Variants in DCTN5 observed in about 807,000 individuals in gnomAD.
DCTN5 encodes the protein dynactin 4.
Under a neutral mutation model 23.5 loss-of-function variants are expected in DCTN5, and 14 were observed. The ratio of observed to expected loss-of-function variants is 0.60; its 90% CI spans 0.39 to 0.93. The LOEUF is 0.93. Among genes scored for constraint, DCTN5 ranks in the 40% least tolerant of loss-of-function variants. The pLI, the probability that DCTN5 is intolerant of heterozygous loss-of-function variation, is 0.00. For missense variants in DCTN5, 156 were observed against 225.9 expected (o/e 0.69, Z 1.98); for synonymous variants, 67 against 79.6 (o/e 0.84, Z 0.84).
chr16:23,646,341 A>G (rs1006989657), intron 2 of DCTN5, among the ~76,000 whole-genome samples: 1 of 152,130 alleles, frequency 6.6e-6, no homozygotes, highest in Non-Finnish European at 1.5e-5. Context: ...AACACTTATC[A>G]GATATATGAT....
In DCTN5 at chr16:23,674,922, C is replaced by G. The variant is rs1038526157; in HGVS notation, c.*7778C>G. ...CCTTCTTACTGTGTCCTTGTATGGT[C>G]CCTCTGTCTGGGTGTCTGTGTCCTA... is the stretch of plus-strand genomic sequence containing the variant. On this transcript the variant is annotated 3_prime_UTR_variant, in exon 6 of 6. Transcript: ENST00000300087. The G allele has an allele frequency of 6.6e-6, 1 of 152,086 alleles. No homozygotes were observed. The highest frequency in any genetic ancestry group is 2.4e-5 in the African/African-American group (1 of 41,414). The allele number at this position is 152,086 out of a possible 1,614,324, so 9.4% of individuals were successfully genotyped here. A position where few individuals can be genotyped will look rare whatever the true frequency, so the allele number is the denominator to read the frequency against.
At chr16:23,647,589 C>A (rs1232384225) in intron 2 of DCTN5, among the ~76,000 whole-genome samples, 2 of 151,688 alleles carry the variant, frequency 1.3e-5, no homozygotes, top group East Asian at 3.9e-4. Context: ...CTCACTGCAG[C>A]CTCCACTTCC....
chr16:23,647,787 C>T (rs1265810200), intron 2 of DCTN5, among the ~76,000 whole-genome samples: 1 of 151,982 alleles, frequency 6.6e-6, no homozygotes, highest in East Asian at 1.9e-4. Context: ...GGATTACAGG[C>T]ATGAGCCACC....
intron 2 of DCTN5, among the ~76,000 whole-genome samples, chr16:23,643,291 AACC>A (rs1443410229): frequency 9.9e-5 from 15 of 151,612 alleles, no homozygotes; most frequent in East Asian, 5.9e-4. Context: ...TCCCAGGTTC[AACC>A]AGTTCTCCTG....
intron 4 of DCTN5, among the ~76,000 whole-genome samples, chr16:23,663,459 A>C (rs1048552898): frequency 6.6e-6 from 1 of 152,192 alleles, no homozygotes; most frequent in African/African-American, 2.4e-5. Context: ...CATGCCTGTA[A>C]TCCCAGCACT....
At chr16:23,648,823 G>A (rs185256385) in intron 2 of DCTN5, among the ~76,000 whole-genome samples, 2 of 151,996 alleles carry the variant, frequency 1.3e-5, no homozygotes, top group Admixed American at 1.3e-4. Flanking sequence ...ACCTCATTGT[G>A]GTCTTAATTT....
rs143714353 is a variant in DCTN5 at position 23,657,502 on chromosome 16, G to A, written c.118-1005G>A. 1,901 of 431,400 alleles carry A rather than the reference G, an allele frequency of 4.4e-3. 36 individuals carry two copies. The highest frequency in any genetic ancestry group is 0.037 in the African/African-American group (1,747 of 47,838). The allele number at this position is 431,400 out of a possible 1,614,324, so 26.7% of individuals were successfully genotyped here. On this transcript the variant is annotated intron_variant, in intron 2 of 5. Coordinates refer to ENST00000300087, the MANE Select transcript of DCTN5 (RefSeq NM_032486.4). Reference sequence around the variant, plus strand: ...TTCGTCCAGGCTGGAGTGCAATGGCGCGATCTCGGCTCACTGCAACCTCCG... The same window carrying A: ...TTCGTCCAGGCTGGAGTGCAATGGCACGATCTCGGCTCACTGCAACCTCCG...
chr16:23,643,174 G>T (rs780913865), intron 2 of DCTN5, 151 bp downstream of exon 2: 22 of 685,962 alleles, frequency 3.2e-5, no homozygotes, highest in Non-Finnish European at 4.8e-5. Context: ...TTGTAAATTG[G>T]ATCTCCTTTT....
Position 23,677,259 on chromosome 16 carries a change from G to A in DCTN5, c.*10115G>A, listed in dbSNP as rs1051068908. The A allele has an allele frequency of 9.8e-5, 15 of 152,328 alleles. 1 individual carries two copies. Among genetic ancestry groups the A allele is most frequent in the Admixed American group, 4.6e-4 (7 of 15,302 alleles). 9.4% of individuals were successfully genotyped at this position (152,328 alleles called of 1,614,324 possible). Reference sequence around the variant, plus strand: ...AATCTCCTAGTACATCATCAGACTAGGAGGTGGTGGTGTTGGCACCCCCCA... The same window carrying A: ...AATCTCCTAGTACATCATCAGACTAAGAGGTGGTGGTGTTGGCACCCCCCA... On this transcript the variant is annotated 3_prime_UTR_variant, in exon 6 of 6. Coordinates refer to ENST00000300087, the MANE Select transcript of DCTN5 (RefSeq NM_032486.4).
chr16:23,641,487 A>AAGACTGAC lies in DCTN5; in HGVS notation c.-55_-48dup, dbSNP rs1967253620. On this transcript the variant is annotated 5_prime_UTR_variant, in exon 1 of 6. Coordinates refer to ENST00000300087, the MANE Select transcript of DCTN5 (RefSeq NM_032486.4). Reference sequence around the variant, plus strand: ...GGCCGGAAGTAGCCGGAATCTCTGAAAGACTGACCGACTGACTCTGACAGG... The same window carrying AAGACTGAC: ...GGCCGGAAGTAGCCGGAATCTCTGAAAGACTGACAGACTGACCGACTGACTCTGACAGG... 2.9e-5 allele frequency: 47 copies of AAGACTGAC among 1,609,634 alleles called. No individual in the cohort carries two copies. In the South Asian group the frequency reaches 5.0e-4, roughly 17 times the overall value.
rs1968026996 is a variant in DCTN5, at chr16:23,672,621, A to C, written c.*5477A>C. ...CAGGTGGGTGTAGTTGGGAGTCAGC[A>C]GAGTTGGGTTGGAATTCAAGCTTTG... On this transcript the variant is annotated 3_prime_UTR_variant, in exon 6 of 6. Transcript: ENST00000300087. 1 of 152,250 alleles carries C rather than the reference A, an allele frequency of 6.6e-6. No individual in the cohort carries two copies. The highest frequency in any genetic ancestry group is 1.5e-5 in the Non-Finnish European group (1 of 68,042). 9.4% of individuals were successfully genotyped at this position (152,250 alleles called of 1,614,324 possible).
chr16:23,664,326 G>A (rs1316242324), intron 4 of DCTN5, among the ~76,000 whole-genome samples: 1 of 152,224 alleles, frequency 6.6e-6, no homozygotes, highest in Non-Finnish European at 1.5e-5. Context: ...AAATTCACAT[G>A]CTTTCATAAG....
At chr16:23,651,912 G>A (rs1440527796) in intron 2 of DCTN5, among the ~76,000 whole-genome samples, 1 of 152,134 alleles carries the variant, frequency 6.6e-6, no homozygotes, top group African/African-American at 2.4e-5. Context: ...GCATGCGCCT[G>A]TAATCCCAGC....
chr16:23,646,133 A>T (rs1200620918), intron 2 of DCTN5, among the ~76,000 whole-genome samples: 2 of 152,048 alleles, frequency 1.3e-5, no homozygotes. Context: ...CATCCAAGGG[A>T]GTATAAAATG....
chr16:23,667,333 ATCTG>A lies in DCTN5; in HGVS notation c.*190_*193del. On this transcript the variant is annotated 3_prime_UTR_variant, in exon 6 of 6. Transcript: ENST00000300087. The stretch of plus-strand genomic sequence containing the variant: ...TTAAGAATTCACTAACAGACAGACC[ATCTG>A]GAGGAGCTGTCTTCAAATGCTGTGC... 1 of 648,580 alleles carries A rather than the reference ATCTG, an allele frequency of 1.5e-6. No homozygotes were observed. The highest frequency in any genetic ancestry group is 2.6e-6 in the Non-Finnish European group (1 of 383,542). The allele number at this position is 648,580 out of a possible 1,614,324, so 40.2% of individuals were successfully genotyped here. A position where few individuals can be genotyped will look rare whatever the true frequency, so the allele number is the denominator to read the frequency against.
At chr16:23,644,294 ATTT>A (rs534821955) in intron 2 of DCTN5, among the ~76,000 whole-genome samples, 3 of 97,320 alleles carry the variant, frequency 3.1e-5, no homozygotes, top group African/African-American at 4.2e-5. Context: ...TGCCCACCTA[ATTT>A]TTTTTTTTTT....
intron 2 of DCTN5, chr16:23,651,087 A>G: frequency 7.4e-7 from 1 of 1,355,808 alleles, no homozygotes; most frequent in Non-Finnish European, 9.5e-7. Flanking sequence ...TCCTTCCTGT[A>G]GGAGATAGCT....
chr16:23,662,432 G>T (rs949436563), intron 4 of DCTN5, among the ~76,000 whole-genome samples: 5 of 151,516 alleles, frequency 3.3e-5, no homozygotes, highest in Admixed American at 3.3e-4. Context: ...TGATTTCTTA[G>T]ATGATGAGCT....
intron 1 of DCTN5, chr16:23,642,705 T>C (rs902453261): frequency 2.2e-6 from 1 of 454,276 alleles, no homozygotes; most frequent in Non-Finnish European, 4.0e-6. Context: ...TAGGCTGGTC[T>C]TGAGCTCCTG....
Sources: allele counts gnomAD v4.1 joint callset (sites outside exome capture counted in the v4.1 genomes callset), GRCh38; gene constraint gnomAD v4.1.1; transcripts MANE v1.5; gene names NCBI Gene and HGNC (gene_info 2026-07-23, HGNC 2026-07-21).